Variants in MEFV observed in about 807,000 individuals in gnomAD.
MEFV encodes the protein pyrin.
MEFV carries 60 observed loss-of-function variants against 62.5 expected under a neutral mutation model. The observed-to-expected ratio is 0.96, with a 90% CI of 0.78 to 1.19. The LOEUF is 1.19. Among genes scored for constraint, MEFV ranks in the 50% most tolerant of loss-of-function variants. The pLI, the probability that MEFV is intolerant of heterozygous loss-of-function variation, is 0.00. For missense variants in MEFV, 1,169 were observed against 1,004.5 expected, an observed-to-expected ratio of 1.16 and a Z score of -2.21; for synonymous variants, 500 against 415.2, an observed-to-expected ratio of 1.20 and a Z score of -2.48.
intron 4 of MEFV, chr16:3,248,322 T>G (rs1157281451): frequency 6.4e-6 from 1 of 155,298 alleles, no homozygotes; most frequent in Non-Finnish European, 1.4e-5. Context: ...CCGGGCGCAG[T>G]GGCTCACATC....
intron 2 of MEFV, among the ~76,000 whole-genome samples, chr16:3,251,272 C>T (rs1190215313): frequency 6.6e-6 from 1 of 152,114 alleles, no homozygotes; most frequent in African/African-American, 2.4e-5. Context: ...TTAGGTGTGG[C>T]TATTTGACAA....
At position 3,256,350 on chromosome 16, in the gene MEFV, G is replaced by A. The variant is rs766608226; in HGVS notation, c.238C>T (p.Arg80Cys). Residue 80 changes from arginine to cysteine, a missense_variant, in exon 1 of 10, where the codon CGC (arginine) becomes TGC (cysteine). By Grantham distance (180) the Arg-to-Cys change is radical (BLOSUM62 -3). Coordinates refer to ENST00000219596, the MANE Select transcript of MEFV (RefSeq NM_000243.3). Reference protein sequence around the residue: ...TLQVLRAINQRLLAEELHRAA... With the variant: ...TLQVLRAINQCLLAEELHRAA... ...CTGTGGAGCTCCTCGGCCAGCAGGC[G>A]CTGGTTGATGGCCCGCAGGACCTGC... The A allele has an allele frequency of 2.4e-5, 38 of 1,613,966 alleles. 1 individual carries two copies. Among genetic ancestry groups the A allele is most frequent in the South Asian group, 1.5e-4 (14 of 91,086 alleles).
At chr16:3,248,578 A>G (rs563540020) in intron 4 of MEFV, 30 of 432,870 alleles carry the variant, frequency 6.9e-5, no homozygotes, top group African/African-American at 4.9e-4. Flanking sequence ...TGACAGAGCG[A>G]GACTCCGTCA....
chr16:3,243,513 C>T lies in MEFV; in HGVS notation c.1974G>A (p.Glu658=), dbSNP rs765175304. The change falls in exon 10 of 10, where the codon GAG becomes GAA. Residue 658 remains glutamate (E), a synonymous_variant. Transcript: ENST00000219596. ...FLSGRRYWEV[E]VGDKTAWILG... is the part of the protein sequence containing the mutation. Reference sequence around the variant, plus strand: ...GGATCCATGCTGTCTTGTCTCCAACCTCCACCTCCCAGTAACGGCGGCCAG... The same window carrying T: ...GGATCCATGCTGTCTTGTCTCCAACTTCCACCTCCCAGTAACGGCGGCCAG... 1 of 1,614,014 alleles carries T rather than the reference C, an allele frequency of 6.2e-7. No individual in the cohort carries two copies. The highest frequency in any genetic ancestry group is 1.1e-5 in the South Asian group (1 of 91,078).
In MEFV at chr16:3,254,607, G is replaced by C. The variant is rs1389511101; in HGVS notation, c.461C>G (p.Ser154Trp). The C allele has an allele frequency of 6.9e-6, 11 of 1,601,234 alleles. No individual in the cohort carries two copies. Among genetic ancestry groups the C allele is most frequent in the Non-Finnish European group, 9.4e-6 (11 of 1,176,296 alleles). ...CSQPEAGRGLSRKPLSKRREK... is the reference protein window; with the variant it reads ...CSQPEAGRGLWRKPLSKRREK... Reference sequence around the variant, plus strand: ...TCTGCGTTTGCTCAGGGGCTTCCTCGACAGCCCCCTCCCGGCCTCGGGCTG... The same window carrying C: ...TCTGCGTTTGCTCAGGGGCTTCCTCCACAGCCCCCTCCCGGCCTCGGGCTG... The change falls in exon 2 of 10, where the codon TCG becomes TGG. Residue 154 changes from serine (S) to tryptophan (W), a missense_variant. Transcript: ENST00000219596.
rs1958860944 is a variant in MEFV, at chr16:3,242,057, CCA to C, written c.*1082_*1083del. 6.5e-6 allele frequency: 1 copy of C among 153,654 alleles called. No homozygotes were observed. The highest frequency in any genetic ancestry group is 1.5e-5 in the Non-Finnish European group (1 of 68,588). 9.5% of individuals were successfully genotyped at this position (153,654 alleles called of 1,614,324 possible). ...TTTCTAATTTTTTTATTCATGAGGC[CCA>C]GTCAATTCTCTTAAGAATCATGGCC... On this transcript the variant is annotated 3_prime_UTR_variant, in exon 10 of 10. Coordinates refer to ENST00000219596, the MANE Select transcript of MEFV (RefSeq NM_000243.3).
At chr16:3,244,091 A>G in intron 8 of MEFV, 163 bp downstream of exon 8, 2 of 1,551,732 alleles carry the variant, frequency 1.3e-6, no homozygotes, top group Non-Finnish European at 8.7e-7. Context: ...TCAGTCAATG[A>G]GTCACGCACA....
At chr16:3,251,177 T>C (rs1056575536) in intron 2 of MEFV, among the ~76,000 whole-genome samples, 1 of 152,086 alleles carries the variant, frequency 6.6e-6, no homozygotes, top group Non-Finnish European at 1.5e-5. Context: ...CCTTCTCTCG[T>C]GATAGAATTA....
At chr16:3,253,700 G>T (rs950222200) in intron 2 of MEFV, among the ~76,000 whole-genome samples, 1 of 151,930 alleles carries the variant, frequency 6.6e-6, no homozygotes, top group African/African-American at 2.4e-5. Context: ...TAGTTTTGTA[G>T]AAGTGGAGTC....
chr16:3,248,840 G>C lies in MEFV; in HGVS notation c.1356+69C>G, dbSNP rs563739479. The C allele has an allele frequency of 5.2e-5, 84 of 1,610,326 alleles. No individual in the cohort carries two copies. The African/African-American group carries it at 1.0e-3, about 19-fold the overall frequency. On this transcript the variant is annotated intron_variant, in intron 4 of 9. Coordinates refer to ENST00000219596, the MANE Select transcript of MEFV (RefSeq NM_000243.3). ...CCCTGTGAACCACAGCAGAATCTCG[G>C]GGACCCCTGCTCACTCTTCCCACCT...
At chr16:3,254,014 A>C in intron 2 of MEFV, 144 bp downstream of exon 2, 1 of 897,642 alleles carries the variant, frequency 1.1e-6, no homozygotes, top group Non-Finnish European at 1.8e-6. Context: ...CACTACATTC[A>C]CCAGGCTGGT....
chr16:3,254,103 C>G, intron 2 of MEFV, 55 bp downstream of exon 2: 2 of 1,592,256 alleles, frequency 1.3e-6, no homozygotes, highest in Non-Finnish European at 1.7e-6. Context: ...CTATCGTGCC[C>G]GGCCAGCCAT....
chr16:3,254,208 G>A lies in MEFV; in HGVS notation c.860C>T (p.Ala287Val). 6.2e-7 allele frequency: 1 copy of A among 1,614,246 alleles called. No individual in the cohort carries two copies. The highest frequency in any genetic ancestry group is 1.1e-5 in the South Asian group (1 of 91,088). The change falls in exon 2 of 10, where the codon GCA becomes GTA. Residue 287 changes from alanine to valine, a missense_variant. Transcript: ENST00000219596. Reference protein sequence around the residue: ...PRARPTPDGGASADLKEGPGN... With the variant: ...PRARPTPDGGVSADLKEGPGN... ...AGGGCCTTCCTTCAGGTCCGCAGAT[G>A]CCCCTCCATCCGGAGTGGGCCTTGC...
rs1318767565 is a variant in MEFV at position 3,243,359 on chromosome 16, G to A, written c.2128C>T (p.Leu710=). Residue 710 remains leucine, a synonymous_variant, in exon 10 of 10, where the codon CTA becomes TTA. Coordinates refer to ENST00000219596, the MANE Select transcript of MEFV (RefSeq NM_000243.3). ...ACACGCTTGGGAGGCTCCTTTATTA[G>A]CAGGCGGGTCGGGGGAACGCTGGAC... ...QASSVPPTRL[L]IKEPPKRVGI... is the part of the protein sequence containing the mutation. 2 of 1,614,196 alleles carry A rather than the reference G, an allele frequency of 1.2e-6. No individual in the cohort carries two copies. The highest frequency in any genetic ancestry group is 3.3e-5 in the Admixed American group (2 of 60,022).
In MEFV at chr16:3,242,200, TA is replaced by T; in HGVS notation, c.*940del. On this transcript the variant is annotated 3_prime_UTR_variant, in exon 10 of 10. Coordinates refer to ENST00000219596, the MANE Select transcript of MEFV (RefSeq NM_000243.3). ...CAACATGATGAAACCTCATGTCTAC[TA>T]AAAATGCAAAAAATTAGCCGGGCAT... is the stretch of plus-strand genomic sequence containing the variant. The T allele has an allele frequency of 3.9e-6, 1 of 255,188 alleles. No individual in the cohort carries two copies. The allele number at this position is 255,188 out of a possible 1,614,324, so 15.8% of individuals were successfully genotyped here. A position where few individuals can be genotyped will look rare whatever the true frequency, so the allele number is the denominator to read the frequency against.
chr16:3,250,980 C>A (rs183786349), intron 2 of MEFV, among the ~76,000 whole-genome samples: 1 of 143,950 alleles, frequency 6.9e-6, no homozygotes, highest in Non-Finnish European at 1.5e-5. Context: ...GCTGAAGTTG[C>A]GCCACTGCAC....
intron 2 of MEFV, among the ~76,000 whole-genome samples, chr16:3,253,059 T>C (rs1313690478): frequency 6.6e-6 from 1 of 151,868 alleles, no homozygotes; most frequent in Admixed American, 6.6e-5. Context: ...CTGGTGGCAT[T>C]TTTCTTTTAC....
intron 6 of MEFV, among the ~76,000 whole-genome samples, chr16:3,245,052 C>T (rs938064164): frequency 1.3e-5 from 2 of 152,060 alleles, no homozygotes; most frequent in Non-Finnish European, 2.9e-5. Flanking sequence ...TTCAGGAGGC[C>T]GGGGCAGTGG....
chr16:3,242,699 C>A lies in MEFV; in HGVS notation c.*442G>T, dbSNP rs540155459. Reference sequence around the variant, plus strand: ...AAAAAAAAAAAAAAAAATCATAGTTCATTAATCCAGGTACACAAATACTTC... The same window carrying A: ...AAAAAAAAAAAAAAAAATCATAGTTAATTAATCCAGGTACACAAATACTTC... On this transcript the variant is annotated 3_prime_UTR_variant, in exon 10 of 10. Transcript: ENST00000219596. 2 of 216,044 alleles carry A rather than the reference C, an allele frequency of 9.3e-6. No homozygotes were observed. The highest frequency in any genetic ancestry group is 1.2e-4 in the East Asian group (1 of 8,382). 13.4% of individuals were successfully genotyped at this position (216,044 alleles called of 1,614,324 possible). A position where few individuals can be genotyped will look rare whatever the true frequency, so the allele number is the denominator to read the frequency against.
Sources: allele counts gnomAD v4.1 joint callset (sites outside exome capture counted in the v4.1 genomes callset), GRCh38; gene constraint gnomAD v4.1.1; transcripts MANE v1.5; gene names NCBI Gene and HGNC (gene_info 2026-07-23, HGNC 2026-07-21).